The following ZFYVE1 variants were observed in gnomAD, a reference collection of about 807,000 sequenced individuals.
ZFYVE1 encodes the protein zinc finger FYVE domain-containing protein 1.
A neutral mutation model predicts 74.4 loss-of-function variants in ZFYVE1; 30 were observed. That is an observed-to-expected ratio of 0.40 (90% CI 0.30 to 0.55). The LOEUF is 0.55. Among genes scored for constraint, ZFYVE1 ranks in the 20% least tolerant of loss-of-function variants. The pLI is 0.42. For synonymous variants in ZFYVE1, 335 were observed against 385.1 expected (o/e 0.87, Z 1.52); for missense variants, 703 against 1,011.6 (o/e 0.69, Z 4.14).
chr14:73,023,240 TAA>T (rs1491247389), intron 2 of ZFYVE1, among the ~76,000 whole-genome samples: 3 of 132,988 alleles, frequency 2.3e-5, no homozygotes, highest in African/African-American at 5.8e-5. Flanking sequence ...GTTTTATATG[TAA>T]TATATATATT....
chr14:73,009,606 A>G (rs1002381295), intron 2 of ZFYVE1, among the ~76,000 whole-genome samples: 1 of 152,182 alleles, frequency 6.6e-6, no homozygotes, highest in Non-Finnish European at 1.5e-5. Flanking sequence ...AAATACAAAA[A>G]TTAGGTGGGC....
intron 4 of ZFYVE1, among the ~76,000 whole-genome samples, chr14:72,988,857 T>C (rs1043978562): frequency 1.3e-5 from 2 of 148,658 alleles, no homozygotes; most frequent in Non-Finnish European, 3.0e-5. Flanking sequence ...ATAATATAAA[T>C]GGTATGATCT....
rs552938792 is a variant in ZFYVE1, at chr14:72,984,640, T to C, written c.1204-2745A>G. Among the ~76,000 whole-genome samples, 7 of 152,300 alleles carry C rather than the reference T, an allele frequency of 4.6e-5. No homozygotes were observed. In the East Asian group the frequency reaches 1.4e-3, roughly 29 times the overall value. On this transcript the variant is annotated intron_variant, in intron 4 of 11. Coordinates refer to ENST00000556143, the MANE Select transcript of ZFYVE1 (RefSeq NM_021260.4). ...GCAAGTGGAATTATAAGTCGGCCTATACATTTCAGCCTATACAGCGTTCTC... is the reference window on the plus strand; with the variant it reads ...GCAAGTGGAATTATAAGTCGGCCTACACATTTCAGCCTATACAGCGTTCTC...
intron 2 of ZFYVE1, among the ~76,000 whole-genome samples, chr14:73,016,919 T>C (rs61986547): frequency 0.057 from 8,653 of 152,192 alleles, 329 homozygotes; most frequent in Non-Finnish European, 0.089. Context: ...TCAGAAAGTC[T>C]TACCATCTCA....
In ZFYVE1 at chr14:73,024,335, A is replaced by G. The variant is rs143035267; in HGVS notation, c.174T>C (p.His58=). The G allele has an allele frequency of 1.1e-5, 18 of 1,613,994 alleles. No homozygotes were observed. In the African/African-American group the frequency reaches 1.9e-4, roughly 17 times the overall value. ...ELHRQERLRN[H]ERIRLKPGHV... is the part of the protein sequence containing the mutation. Reference sequence around the variant, plus strand: ...GGCCAGGTTTGAGTCTTATCCGCTCATGGTTTCTCAGGCGCTCCTGCCGAT... The same window carrying G: ...GGCCAGGTTTGAGTCTTATCCGCTCGTGGTTTCTCAGGCGCTCCTGCCGAT... The change falls in exon 2 of 12, where the codon CAT becomes CAC. Residue 58 remains histidine, a synonymous_variant. Coordinates refer to ENST00000556143, the MANE Select transcript of ZFYVE1 (RefSeq NM_021260.4).
intron 1 of ZFYVE1, 75 bp from the exon 2 acceptor site, chr14:73,025,017 T>A (rs1894427304): frequency 6.6e-6 from 1 of 152,062 alleles, no homozygotes; most frequent in African/African-American, 2.4e-5. Flanking sequence ...TTTTTTTGAC[T>A]AAATTAAATA....
At chr14:72,982,270 C>CCTCTTT (rs1893353386) in intron 4 of ZFYVE1, among the ~76,000 whole-genome samples, 1 of 152,088 alleles carries the variant, frequency 6.6e-6, no homozygotes, top group South Asian at 2.1e-4. Flanking sequence ...CTTTAAGCCA[C>CCTCTTT]AGGCAGAGCC....
At chr14:72,995,647 AG>A (rs1444041837) in intron 3 of ZFYVE1, among the ~76,000 whole-genome samples, 92 of 152,340 alleles carry the variant, frequency 6.0e-4, no homozygotes, top group African/African-American at 2.1e-3. Flanking sequence ...TGATCACAGG[AG>A]GCAGCTGAAA....
At position 72,978,920 on chromosome 14, in the gene ZFYVE1, C is replaced by G; in HGVS notation, c.1360G>C (p.Glu454Gln). The G allele has an allele frequency of 6.2e-7, 1 of 1,614,110 alleles. No homozygotes were observed. Among genetic ancestry groups the G allele is most frequent in the Non-Finnish European group, 8.5e-7 (1 of 1,179,978 alleles). The stretch of plus-strand genomic sequence containing the variant: ...GAGTATCTGCAGCGGCTCTTGGCTT[C>G]ATGAGGCACTCCTTCCTTCCCATGA... ...MNHGKEGVPH[E>Q]AKSRCRYSHQ... Residue 454 changes from glutamate to glutamine, a missense_variant, in exon 6 of 12, where the codon GAA becomes CAA. Glu to Gln is a conservative substitution (Grantham distance 29). Around this residue, in one of 2 missense-constraint regions of ZFYVE1, gnomAD observed 492 missense variants for 790.0 expected, o/e 0.62. Coordinates refer to ENST00000556143, the MANE Select transcript of ZFYVE1 (RefSeq NM_021260.4).
chr14:73,024,348 C>T lies in ZFYVE1; in HGVS notation c.161G>A (p.Arg54His), dbSNP rs773624760. 3.1e-6 allele frequency: 5 copies of T among 1,614,082 alleles called. No homozygotes were observed. The highest frequency in any genetic ancestry group is 2.2e-5 in the South Asian group (2 of 91,070). The change falls in exon 2 of 12, where the codon CGC becomes CAC. Residue 54 changes from arginine to histidine, a missense_variant. Physicochemically the swap from Arg to His is conservative, Grantham distance 29. This residue lies in a region of ZFYVE1 where 211 missense variants were observed against 221.7 expected (regional missense o/e 0.95). Coordinates refer to ENST00000556143, the MANE Select transcript of ZFYVE1 (RefSeq NM_021260.4). The part of the protein sequence containing the change: ...RCEEELHRQE[R>H]LRNHERIRLK... ...TCTTATCCGCTCATGGTTTCTCAGG[C>T]GCTCCTGCCGATGGAGCTCCTCCTC... is the stretch of plus-strand genomic sequence containing the variant.
intron 3 of ZFYVE1, 97 bp from the exon 4 acceptor site, chr14:72,993,454 G>T: frequency 1.7e-6 from 2 of 1,172,482 alleles, no homozygotes; most frequent in Non-Finnish European, 1.2e-6. Context: ...TGTAACCCTA[G>T]CACTTTGGGA....
chr14:72,994,322 C>CAAAAAAAAAAAAAAAA (rs71109776), intron 3 of ZFYVE1, among the ~76,000 whole-genome samples: 1 of 31,128 alleles, frequency 3.2e-5, no homozygotes. Flanking sequence ...GACGCTGTCT[C>CAAAAAAAAAAAAAAAA]AAAAAAAAAA....
chr14:73,019,823 T>C (rs544064047), intron 2 of ZFYVE1, among the ~76,000 whole-genome samples: 10 of 151,774 alleles, frequency 6.6e-5, no homozygotes, highest in African/African-American at 1.9e-4. Context: ...GTGGTGGTGG[T>C]GCCTACAATC....
chr14:72,982,914 G>A (rs1288802063), intron 4 of ZFYVE1, among the ~76,000 whole-genome samples: 1 of 152,040 alleles, frequency 6.6e-6, no homozygotes, highest in Admixed American at 6.6e-5. Context: ...CACGATCTTG[G>A]CTCACTACAA....
intron 8 of ZFYVE1, among the ~76,000 whole-genome samples, chr14:72,976,463 G>C (rs1345330828): frequency 2.0e-5 from 3 of 152,228 alleles, no homozygotes; most frequent in African/African-American, 4.8e-5. Context: ...ATTTCAGTGG[G>C]CCAGAAAATT....
rs1368335132 is a variant in ZFYVE1 at position 73,024,548 on chromosome 14, C to T, written c.-40G>A. ...GGAAACACACCCACCATATAATAGT[C>T]ACTGAGCTTGCCCCGGGGGTGAAGA... On this transcript the variant is annotated 5_prime_UTR_variant, in exon 2 of 12. Coordinates refer to ENST00000556143, the MANE Select transcript of ZFYVE1 (RefSeq NM_021260.4). 1.3e-6 allele frequency: 2 copies of T among 1,539,344 alleles called. No individual in the cohort carries two copies. The highest frequency in any genetic ancestry group is 1.4e-5 in the African/African-American group (1 of 72,650).
At position 72,993,015 on chromosome 14, in the gene ZFYVE1, C is replaced by A. The variant is rs1327971486; in HGVS notation, c.1203+128G>T. On this transcript the variant is annotated intron_variant, in intron 4 of 11. Transcript: ENST00000556143. ...GACAGGTGCGGACTCCATTCATGTG[C>A]TTCCGCTTCTTATAACCTCTTTCCA... 12 of 898,628 alleles carry A rather than the reference C, an allele frequency of 1.3e-5. No homozygotes were observed. In the East Asian group the frequency reaches 3.2e-4, roughly 24 times the overall value. The allele number at this position is 898,628 out of a possible 1,614,324, so 55.7% of individuals were successfully genotyped here.
At chr14:72,986,011 G>A (rs1245341430) in intron 4 of ZFYVE1, among the ~76,000 whole-genome samples, 1 of 152,158 alleles carries the variant, frequency 6.6e-6, no homozygotes, top group Non-Finnish European at 1.5e-5. Flanking sequence ...ATATAAATCT[G>A]GCATGAGTGC....
intron 2 of ZFYVE1, among the ~76,000 whole-genome samples, chr14:73,001,387 T>C (rs1436656441): frequency 6.6e-6 from 1 of 152,170 alleles, no homozygotes; most frequent in Non-Finnish European, 1.5e-5. Context: ...AAGTTTCACA[T>C]ACTTAACCTT....
Sources: gnomAD v4.1 joint callset for allele counts (sites outside exome capture counted in the v4.1 genomes callset) on GRCh38, gnomAD v4.1.1 for gene constraint, gnomAD v4.1.1 regional missense constraint, MANE v1.5 for transcripts, NCBI Gene and HGNC (gene_info 2026-07-23, HGNC 2026-07-21) for gene names.